SDK1: variants seen among roughly 807,000 people sequenced by gnomAD.
The protein encoded by SDK1 is sidekick cell adhesion molecule 1.
A neutral mutation model predicts 245.5 loss-of-function variants in SDK1; 157 were observed. That is an observed-to-expected ratio of 0.64 (90% confidence interval 0.56 to 0.73). The LOEUF (loss-of-function observed/expected upper bound fraction) is 0.73, where lower values mean the gene tolerates loss of function less well. SDK1 is among the 30% of genes least tolerant of loss of function. The pLI, the probability that SDK1 is intolerant of heterozygous loss-of-function variation, is 0.00. For missense variants in SDK1, 3,583 were observed against 3,002.3 expected (o/e 1.19, Z -4.52); for synonymous variants, 1,647 against 1,278.5 (o/e 1.29, Z -6.15).
At chr7:3,627,284 G>A (rs934976945) in intron 2 of SDK1, among the ~76,000 whole-genome samples, 5 of 152,252 alleles carry the variant, frequency 3.3e-5, no homozygotes, top group Admixed American at 2.6e-4. Flanking sequence ...GCTACTTCCA[G>A]GTGATGTAAT....
intron 1 of SDK1, among the ~76,000 whole-genome samples, chr7:3,578,243 C>A (rs529602267): frequency 3.3e-5 from 5 of 151,888 alleles, no homozygotes; most frequent in Non-Finnish European, 7.4e-5. Context: ...GCAAAACCAG[C>A]AAGTTTTATT....
In SDK1 at chr7:4,127,379, A is replaced by G; in HGVS notation, c.3824-2A>G. On this transcript the variant is annotated splice_acceptor_variant, in intron 25 of 44. Coordinates refer to ENST00000404826, the MANE Select transcript of SDK1 (RefSeq NM_152744.4). LOFTEE classifies it high-confidence loss of function. ...CTAATCTACTTCATTGGTTCTTTGC[A>G]GTTCCTTCAGCCGCCCCTGAGAACG... 6.2e-7 allele frequency: 1 copy of G among 1,612,066 alleles called. No individual in the cohort carries two copies. Among genetic ancestry groups the G allele is most frequent in the Non-Finnish European group, 8.5e-7 (1 of 1,178,092 alleles).
chr7:3,549,995 G>A (rs1779348310), intron 1 of SDK1, among the ~76,000 whole-genome samples: 1 of 152,052 alleles, frequency 6.6e-6, no homozygotes, highest in Non-Finnish European at 1.5e-5. Flanking sequence ...TATATTTTAA[G>A]TCTGTAATAT....
At chr7:3,668,953 C>A (rs747525964) in intron 4 of SDK1, among the ~76,000 whole-genome samples, 1 of 152,160 alleles carries the variant, frequency 6.6e-6, no homozygotes, top group Non-Finnish European at 1.5e-5. Context: ...TCATGGGAGG[C>A]TCTGGCAGAG....
Position 3,523,608 on chromosome 7 carries a change from C to T in SDK1, c.299-95472C>T, listed in dbSNP as rs144407576. On this transcript the variant is annotated intron_variant, in intron 1 of 44. Coordinates refer to ENST00000404826, the MANE Select transcript of SDK1 (RefSeq NM_152744.4). ...TTTATTCTCTGCGGTACTCAATGTG[C>T]GCTGCTTTCCAAGCATTTGTGATAC... Among the ~76,000 whole-genome samples, 294 of 152,126 alleles carry T rather than the reference C, an allele frequency of 1.9e-3. 1 individual carries two copies. Among genetic ancestry groups the T allele is most frequent in the African/African-American group, 6.5e-3 (271 of 41,494 alleles).
At chr7:3,791,852 G>C (rs1781102164) in intron 4 of SDK1, among the ~76,000 whole-genome samples, 1 of 152,150 alleles carries the variant, frequency 6.6e-6, no homozygotes, top group Admixed American at 6.5e-5. Flanking sequence ...AGTCAGGCAT[G>C]GTGGCTCATG....
chr7:3,589,714 ATG>A (rs1780800817), intron 1 of SDK1, among the ~76,000 whole-genome samples: 2 of 152,178 alleles, frequency 1.3e-5, no homozygotes, highest in Admixed American at 1.3e-4. Flanking sequence ...ACTCACTGTC[ATG>A]AGAACAGCAT....
chr7:3,320,007 T>G (rs569061911), intron 1 of SDK1, among the ~76,000 whole-genome samples: 2 of 151,394 alleles, frequency 1.3e-5, no homozygotes, highest in Admixed American at 1.3e-4. Context: ...TAGAATTGCC[T>G]GGATGTGGTG....
At chr7:3,504,431 A>C (rs985749487) in intron 1 of SDK1, among the ~76,000 whole-genome samples, 1 of 152,116 alleles carries the variant, frequency 6.6e-6, no homozygotes, top group Non-Finnish European at 1.5e-5. Context: ...AGCTACTATA[A>C]TCAAGATGCT....
chr7:3,660,162 T>C (rs1783307817), intron 4 of SDK1, among the ~76,000 whole-genome samples: 1 of 151,510 alleles, frequency 6.6e-6, no homozygotes, highest in Non-Finnish European at 1.5e-5. Context: ...TGCAGAGAGA[T>C]TTCAGACACA....
chr7:4,172,236 TG>T (rs1047847560), intron 32 of SDK1, among the ~76,000 whole-genome samples: 1 of 152,228 alleles, frequency 6.6e-6, no homozygotes, highest in African/African-American at 2.4e-5. Context: ...GGCAGTGGCC[TG>T]GGGGCTGCTT....
intron 1 of SDK1, among the ~76,000 whole-genome samples, chr7:3,567,032 C>T (rs892921628): frequency 6.6e-6 from 1 of 152,120 alleles, no homozygotes; most frequent in African/African-American, 2.4e-5. Flanking sequence ...AATACTGATC[C>T]CACATTTATT....
intron 1 of SDK1, among the ~76,000 whole-genome samples, chr7:3,443,853 G>A (rs1457772095): frequency 6.6e-6 from 1 of 152,206 alleles, no homozygotes; most frequent in Non-Finnish European, 1.5e-5. Context: ...ATAATAAAGT[G>A]CAAACTGATT....
intron 1 of SDK1, among the ~76,000 whole-genome samples, chr7:3,318,065 A>C (rs1267197033): frequency 1.3e-5 from 2 of 152,168 alleles, no homozygotes; most frequent in Non-Finnish European, 1.5e-5. Context: ...TTTTATGCAT[A>C]TACAACTATA....
intron 35 of SDK1, among the ~76,000 whole-genome samples, chr7:4,201,159 C>T (rs1783858930): frequency 6.6e-6 from 1 of 152,220 alleles, no homozygotes; most frequent in South Asian, 2.1e-4. Flanking sequence ...CTTTCTTGCA[C>T]TTCTGCCTTG....
At position 3,851,848 on chromosome 7, in the gene SDK1, T is replaced by C. The variant is rs191800561; in HGVS notation, c.847+30265T>C. On this transcript the variant is annotated intron_variant, in intron 5 of 44. Transcript: ENST00000404826. ...AAGAAAAATAAGATTTAAAGTGTTATTATTAAAGAATATGATCTATAAATA... is the reference window on the plus strand; with the variant it reads ...AAGAAAAATAAGATTTAAAGTGTTACTATTAAAGAATATGATCTATAAATA... Among the ~76,000 whole-genome samples the C allele has an allele frequency of 1.7e-3, 265 of 152,354 alleles. 2 individuals are homozygous for C. Among genetic ancestry groups the C allele is most frequent in the Non-Finnish European group, 2.6e-3 (177 of 68,034 alleles).
chr7:3,980,958 A>G (rs1198169254), intron 13 of SDK1, among the ~76,000 whole-genome samples: 4 of 152,202 alleles, frequency 2.6e-5, no homozygotes, highest in African/African-American at 9.6e-5. Context: ...AAAAGAAAGA[A>G]AAAAAGAAAT....
At chr7:3,693,489 C>A (rs1028555247) in intron 4 of SDK1, among the ~76,000 whole-genome samples, 3 of 152,184 alleles carry the variant, frequency 2.0e-5, no homozygotes, top group African/African-American at 7.2e-5. Flanking sequence ...TGCCCCATTT[C>A]CTCCAGAAGT....
rs1015895587 is a variant in SDK1, at chr7:3,950,959, T to C, written c.884T>C (p.Ile295Thr). ...VGTPETMAPT[I>T]VVPPGNRSVV... ...ACACCTGAAACCATGGCCCCAACCA[T>C]TGTGGTTCCCCCGGGCAACAGAAGT... Residue 295 changes from isoleucine (I) to threonine (T), a missense_variant, in exon 6 of 45, where the codon ATT becomes ACT. Coordinates refer to ENST00000404826, the MANE Select transcript of SDK1 (RefSeq NM_152744.4). 17 of 1,614,070 alleles carry C rather than the reference T, an allele frequency of 1.1e-5. No individual in the cohort carries two copies. The highest frequency in any genetic ancestry group is 1.4e-5 in the Non-Finnish European group (16 of 1,179,978).
Sources: gnomAD v4.1 joint callset for allele counts (sites outside exome capture counted in the v4.1 genomes callset) on GRCh38, gnomAD v4.1.1 for gene constraint, MANE v1.5 for transcripts, NCBI Gene and HGNC (gene_info 2026-07-23, HGNC 2026-07-21) for gene names.